The following CHDH variants were observed in gnomAD, a reference collection of about 807,000 sequenced individuals.
The protein encoded by CHDH is choline dehydrogenase, also known as choline dehydrogenase, mitochondrial.
A neutral mutation model predicts 56.9 loss-of-function variants in CHDH; 43 were observed. The ratio of observed to expected loss-of-function variants is 0.76; its 90% CI spans 0.59 to 0.97. CHDH has a LOEUF of 0.97. Among genes scored for constraint, CHDH ranks in the 50% least tolerant of loss-of-function variants. CHDH has a pLI of 0.00. For missense variants in CHDH, 816 were observed against 821.1 expected (o/e 0.99, Z 0.08); for synonymous variants, 364 against 348.5 (o/e 1.04, Z -0.50).
intron 1 of CHDH, among the ~76,000 whole-genome samples, chr3:53,841,231 G>A (rs1467353373): frequency 6.6e-6 from 1 of 152,106 alleles, no homozygotes; most frequent in Non-Finnish European, 1.5e-5. Flanking sequence ...AGCTTGAGAA[G>A]CACTGTTATG....
intron 2 of CHDH, among the ~76,000 whole-genome samples, chr3:53,836,552 G>A (rs1698501719): frequency 6.6e-6 from 1 of 152,226 alleles, no homozygotes; most frequent in Non-Finnish European, 1.5e-5. Context: ...GGACTTCTCT[G>A]TGCCACTTAC....
chr3:53,833,165 C>G (rs182197483), intron 2 of CHDH, among the ~76,000 whole-genome samples: 2 of 152,312 alleles, frequency 1.3e-5, no homozygotes, highest in Admixed American at 1.3e-4. Context: ...TTAAAATTGA[C>G]AAGATCAAGA....
Position 53,817,945 on chromosome 3 carries a change from G to GT in CHDH, c.1616dup (p.Asn539LysfsTer12). On this transcript the variant is annotated frameshift_variant, in exon 9 of 9. Coordinates refer to ENST00000315251, the MANE Select transcript of CHDH (RefSeq NM_018397.5). LOFTEE classifies it high-confidence loss of function. The stretch of plus-strand genomic sequence containing the variant: ...TGATGGAGGCATCGACGACCCTGAG[G>GT]TTTTCCACCCCGAGGACCCTTGTCT... The GT allele has an allele frequency of 6.2e-7, 1 of 1,614,200 alleles. No homozygotes were observed. The highest frequency in any genetic ancestry group is 1.3e-5 in the African/African-American group (1 of 75,068).
intron 2 of CHDH, among the ~76,000 whole-genome samples, chr3:53,836,141 G>A (rs892927307): frequency 2.6e-5 from 4 of 152,180 alleles, no homozygotes; most frequent in Non-Finnish European, 5.9e-5. Flanking sequence ...GGCCCAGGGT[G>A]GGAAGGATCC....
At chr3:53,841,445 C>G (rs1316325189) in intron 1 of CHDH, among the ~76,000 whole-genome samples, 1 of 152,218 alleles carries the variant, frequency 6.6e-6, no homozygotes, top group Non-Finnish European at 1.5e-5. Flanking sequence ...CCACTTCCAG[C>G]AGACACCTCT....
chr3:53,838,235 CG>C (rs1243413367), intron 2 of CHDH, among the ~76,000 whole-genome samples: 1 of 152,148 alleles, frequency 6.6e-6, no homozygotes, highest in East Asian at 1.9e-4. Flanking sequence ...GCAGGTGCTG[CG>C]GGCGCCCAGC....
intron 1 of CHDH, among the ~76,000 whole-genome samples, chr3:53,843,177 T>TC (rs1174010295): frequency 2.2e-3 from 171 of 78,626 alleles, no homozygotes; most frequent in African/African-American, 3.5e-3. Context: ...CTAGGGAATT[T>TC]CCCCCCCCAC....
Position 53,823,979 on chromosome 3 carries a change from C to T in CHDH, c.30G>A (p.Arg10=), listed in dbSNP as rs757613787. 2.7e-6 allele frequency: 4 copies of T among 1,503,796 alleles called. No homozygotes were observed. The highest frequency in any genetic ancestry group is 3.5e-6 in the Non-Finnish European group (4 of 1,136,108). 93.2% of individuals were successfully genotyped at this position (1,503,796 alleles called of 1,614,324 possible). A position where few individuals can be genotyped will look rare whatever the true frequency, so the allele number is the denominator to read the frequency against. MWCLLRGLG[R]PGALARGALG... The stretch of plus-strand genomic sequence containing the variant: ...GGGCTCCCCGTGCCAGGGCTCCAGG[C>T]CGGCCCAGGCCTCGTAGGAGACACC... Residue 10 remains arginine, a synonymous_variant, in exon 3 of 9, where the codon CGG becomes CGA. Coordinates refer to ENST00000315251, the MANE Select transcript of CHDH (RefSeq NM_018397.5).
At chr3:53,821,282 C>T (rs1400787068) in intron 5 of CHDH, among the ~76,000 whole-genome samples, 3 of 152,184 alleles carry the variant, frequency 2.0e-5, no homozygotes, top group African/African-American at 7.2e-5. Context: ...ATGCTCAGGG[C>T]AGCCAGCGAG....
At position 53,817,500 on chromosome 3, in the gene CHDH, C is replaced by T. The variant is rs1576773025; in HGVS notation, c.*277G>A. On this transcript the variant is annotated 3_prime_UTR_variant, in exon 9 of 9. Coordinates refer to ENST00000315251, the MANE Select transcript of CHDH (RefSeq NM_018397.5). ...ATGCGGCAGGAGTTAACCATCCTCC[C>T]CTTCTGTCCCTCCAGGAGGCAGGGA... 8.8e-6 allele frequency: 4 copies of T among 455,882 alleles called. No homozygotes were observed. The East Asian group carries it at 1.4e-4, about 16-fold the overall frequency. The allele number at this position is 455,882 out of a possible 1,614,324, so 28.2% of individuals were successfully genotyped here. A position where few individuals can be genotyped will look rare whatever the true frequency, so the allele number is the denominator to read the frequency against.
chr3:53,818,052 C>T lies in CHDH; in HGVS notation c.1510G>A (p.Ala504Thr), dbSNP rs778414710. ...GGGTGGTAGGCGCTGTCGGCTTTTG[C>T]CCGCACAAAGGCATCTATCTCTTTA... ...SDKEIDAFVRAKADSAYHPSC... is the reference protein window; with the variant it reads ...SDKEIDAFVRTKADSAYHPSC... Residue 504 changes from alanine (A) to threonine (T), a missense_variant, in exon 9 of 9, where the codon GCA becomes ACA. Transcript: ENST00000315251. 1 of 1,614,204 alleles carries T rather than the reference C, an allele frequency of 6.2e-7. No individual in the cohort carries two copies. The highest frequency in any genetic ancestry group is 1.6e-4 in the Middle Eastern group (1 of 6,062).
chr3:53,833,235 G>A (rs1027208970), intron 2 of CHDH, among the ~76,000 whole-genome samples: 1 of 152,206 alleles, frequency 6.6e-6, no homozygotes, highest in Non-Finnish European at 1.5e-5. Context: ...GAAGACAGAC[G>A]CCTTCTTCCT....
At chr3:53,835,835 G>A (rs1388074864) in intron 2 of CHDH, among the ~76,000 whole-genome samples, 5 of 152,070 alleles carry the variant, frequency 3.3e-5, no homozygotes, top group East Asian at 3.9e-4. Context: ...TCATCACTCC[G>A]TCACCATCAG....
rs995304665 is a variant in CHDH at position 53,814,401 on chromosome 3, A to G, written c.*3376T>C. 2 of 152,224 alleles carry G rather than the reference A, an allele frequency of 1.3e-5. No individual in the cohort carries two copies. The highest frequency in any genetic ancestry group is 2.4e-5 in the African/African-American group (1 of 41,454). The allele number at this position is 152,224 out of a possible 1,614,324, so 9.4% of individuals were successfully genotyped here. A position where few individuals can be genotyped will look rare whatever the true frequency, so the allele number is the denominator to read the frequency against. On this transcript the variant is annotated 3_prime_UTR_variant, in exon 9 of 9. Coordinates refer to ENST00000315251, the MANE Select transcript of CHDH (RefSeq NM_018397.5). ...GTTGAAAATGTTATTTCTCTAAAAC[A>G]GTATTTCTTTTCCTCTCCTGGGGAC...
chr3:53,825,767 A>G (rs1362411656), intron 2 of CHDH, among the ~76,000 whole-genome samples: 2 of 152,224 alleles, frequency 1.3e-5, no homozygotes, highest in Non-Finnish European at 2.9e-5. Context: ...AAAGAAAAAC[A>G]CATCTAAGTA....
intron 1 of CHDH, among the ~76,000 whole-genome samples, chr3:53,845,758 G>T (rs966491791): frequency 2.6e-5 from 4 of 152,208 alleles, no homozygotes; most frequent in Non-Finnish European, 4.4e-5. Context: ...CAGTGCTGAC[G>T]GCTTCCGCTT....
At chr3:53,842,258 T>C (rs1698694256) in intron 1 of CHDH, among the ~76,000 whole-genome samples, 1 of 152,220 alleles carries the variant, frequency 6.6e-6, no homozygotes, top group Admixed American at 6.5e-5. Flanking sequence ...TCTTGTTTCT[T>C]CCTCCATAAA....
At chr3:53,831,246 A>G (rs1028732469) in intron 2 of CHDH, among the ~76,000 whole-genome samples, 1 of 152,240 alleles carries the variant, frequency 6.6e-6, no homozygotes, top group Non-Finnish European at 1.5e-5. Context: ...GCTACAGTAG[A>G]ATAGAACACG....
chr3:53,844,124 A>T (rs1698772965), intron 1 of CHDH, among the ~76,000 whole-genome samples: 1 of 152,138 alleles, frequency 6.6e-6, no homozygotes, highest in African/African-American at 2.4e-5. Flanking sequence ...AAACTGAACC[A>T]GGTATCACCC....
Sources: gnomAD v4.1 joint callset for allele counts (sites outside exome capture counted in the v4.1 genomes callset) on GRCh38, gnomAD v4.1.1 for gene constraint, MANE v1.5 for transcripts, NCBI Gene and HGNC (gene_info 2026-07-23, HGNC 2026-07-21) for gene names.